Variants in ACER1 observed in about 807,000 individuals in gnomAD.
ACER1 encodes CTB-180A7.3.
A neutral mutation model predicts 24.9 loss-of-function variants in ACER1; 28 were observed. The ratio of observed to expected loss-of-function variants is 1.13; its 90% CI spans 0.83 to 1.54. ACER1 has a LOEUF of 1.54. ACER1 is among the 40% of genes most tolerant of loss of function. ACER1 has a pLI of 0.00. For missense variants in ACER1, 352 were observed against 349.3 expected (o/e 1.01, Z -0.06); for synonymous variants, 132 against 131.4 (o/e 1.00, Z -0.03).
the ACER1 span, among the ~76,000 whole-genome samples, chr19:6,358,021 G>A: frequency 1.3e-5 from 2 of 152,262 alleles, no homozygotes; most frequent in East Asian, 3.9e-4. Flanking sequence ...GTCCGGAGGA[G>A]TGAAGGAGTG....
chr19:6,336,170 G>A (rs2091713560), upstream of ACER1, among the ~76,000 whole-genome samples: 2 of 151,946 alleles, frequency 1.3e-5, no homozygotes, highest in Non-Finnish European at 2.9e-5. Flanking sequence ...CAAAGTGCTG[G>A]GATTACAGGC....
intron 1 of ACER1, among the ~76,000 whole-genome samples, chr19:6,319,925 G>A (rs371352769): frequency 3.3e-5 from 5 of 151,854 alleles, no homozygotes; most frequent in Admixed American, 6.6e-5. Context: ...CAGCCTGGCC[G>A]ACATGGAGAA....
intron 1 of ACER1, among the ~76,000 whole-genome samples, chr19:6,331,945 C>T (rs1364879129): frequency 6.6e-6 from 1 of 151,480 alleles, no homozygotes; most frequent in African/African-American, 2.4e-5. Flanking sequence ...GGCTAAATGC[C>T]GTGATCATTT....
chr19:6,307,989 G>A (rs1396799799), intron 4 of ACER1, among the ~76,000 whole-genome samples: 1 of 149,634 alleles, frequency 6.7e-6, no homozygotes, highest in African/African-American at 2.5e-5. Context: ...CTACTTGGGA[G>A]GCTGAGCCAC....
chr19:6,357,686 C>T, the ACER1 span, among the ~76,000 whole-genome samples: 1 of 151,194 alleles, frequency 6.6e-6, no homozygotes, highest in Non-Finnish European at 1.5e-5. Flanking sequence ...TCGCTTGAAC[C>T]GGAGAGGCAG....
chr19:6,340,366 A>C, the ACER1 span, among the ~76,000 whole-genome samples: 1 of 121,610 alleles, frequency 8.2e-6, no homozygotes, highest in Non-Finnish European at 1.8e-5. Context: ...GAAGGAAGGA[A>C]GGAAGGAAGA....
At chr19:6,311,601 AAGAAGAAGG>A (rs917047535) in intron 3 of ACER1, among the ~76,000 whole-genome samples, 16 of 143,694 alleles carry the variant, frequency 1.1e-4, no homozygotes, top group East Asian at 8.2e-4. Context: ...GGAGGCGGAG[AAGAAGAAGG>A]AGAAGGAGAA....
Position 6,309,716 on chromosome 19 carries a change from C to T in ACER1, c.469G>A (p.Val157Met), listed in dbSNP as rs187325437. ...NSIALHILYI[V>M]CQEYRKTSNK... ...ACTCACTTCCTGTACTCCTGGCACA[C>T]GATGTAGAGAATGTGCAGGGCAATG... is the stretch of plus-strand genomic sequence containing the variant. The change falls in exon 4 of 6, where the codon GTG (valine) becomes ATG (methionine). Residue 157 changes from valine to methionine, a missense_variant. Val to Met is a conservative substitution (Grantham distance 21). Coordinates refer to ENST00000301452, the MANE Select transcript of ACER1 (RefSeq NM_133492.3). The T allele has an allele frequency of 1.7e-4, 279 of 1,613,834 alleles. 1 individual carries two copies. In the Admixed American group the frequency reaches 4.2e-3, roughly 24 times the overall value.
chr19:6,334,695 T>G (rs2091705698), upstream of ACER1, among the ~76,000 whole-genome samples: 1 of 151,066 alleles, frequency 6.6e-6, no homozygotes, highest in South Asian at 2.1e-4. Flanking sequence ...TGAATTTACC[T>G]CTCTGATCCT....
At chr19:6,359,076 T>G in the ACER1 span, among the ~76,000 whole-genome samples, 1 of 151,698 alleles carries the variant, frequency 6.6e-6, no homozygotes, top group East Asian at 1.9e-4. Flanking sequence ...TACAAAAAAT[T>G]TTAAAATTAG....
At chr19:6,310,053 G>A (rs1440925332) in intron 3 of ACER1, among the ~76,000 whole-genome samples, 1 of 151,924 alleles carries the variant, frequency 6.6e-6, no homozygotes, top group East Asian at 1.9e-4. Flanking sequence ...CCTGAGGTCA[G>A]GAGTTTGAGA....
At chr19:6,334,114 A>G (rs1447216248), upstream of ACER1, among the ~76,000 whole-genome samples, 2 of 151,328 alleles carry the variant, frequency 1.3e-5, no homozygotes, top group African/African-American at 4.9e-5. Context: ...GCATGATCTC[A>G]GCTCACTGCA....
At chr19:6,310,707 T>C (rs1340397872) in intron 3 of ACER1, among the ~76,000 whole-genome samples, 2 of 151,214 alleles carry the variant, frequency 1.3e-5, no homozygotes, top group African/African-American at 4.9e-5. Context: ...GGCAAAACCC[T>C]GTCTCTACCA....
At position 6,306,807 on chromosome 19, in the gene ACER1, T is replaced by A. The variant is rs754354698; in HGVS notation, c.702A>T (p.Pro234=). 6.8e-6 allele frequency: 11 copies of A among 1,614,158 alleles called. No individual in the cohort carries two copies. The South Asian group carries it at 8.8e-5, about 13-fold the overall frequency. Residue 234 remains proline (P), a synonymous_variant, in exon 6 of 6, where the codon CCA becomes CCT. Coordinates refer to ENST00000301452, the MANE Select transcript of ACER1 (RefSeq NM_133492.3). ...AGTAGCGGACTTTGAGGGTTTCACC[T>A]GGCATCTCATAGTTGGCATCCACCA... ...MALVDANYEM[P]GETLKVRYWP... is the part of the protein sequence containing the mutation.
chr19:6,351,908 T>A, the ACER1 span, among the ~76,000 whole-genome samples: 1 of 151,490 alleles, frequency 6.6e-6, no homozygotes, highest in Non-Finnish European at 1.5e-5. Context: ...TACCAAAAAT[T>A]AGCCGGGCTT....
chr19:6,350,206 G>A, the ACER1 span, among the ~76,000 whole-genome samples: 1 of 151,806 alleles, frequency 6.6e-6, no homozygotes, highest in Non-Finnish European at 1.5e-5. Context: ...GGTGGCTCAT[G>A]CCTGTAATCC....
upstream of ACER1, chr19:6,333,646 C>T (rs1486967248): frequency 3.8e-5 from 39 of 1,037,212 alleles, no homozygotes; most frequent in South Asian, 2.6e-4. Flanking sequence ...GAGGACAGCC[C>T]GGTGCCCCGC....
intron 1 of ACER1, among the ~76,000 whole-genome samples, chr19:6,325,205 C>T (rs2091655130): frequency 6.6e-6 from 1 of 152,178 alleles, no homozygotes; most frequent in South Asian, 2.1e-4. Flanking sequence ...CAGGACAGAG[C>T]ACACAGTCCT....
chr19:6,333,111 T>C (rs1313732236), intron 1 of ACER1, among the ~76,000 whole-genome samples: 1 of 151,896 alleles, frequency 6.6e-6, no homozygotes, highest in African/African-American at 2.4e-5. Context: ...CCCCTCTAGC[T>C]CAGGGGCACC....
Sources: allele counts gnomAD v4.1 joint callset (sites outside exome capture counted in the v4.1 genomes callset), GRCh38; gene constraint gnomAD v4.1.1; transcripts MANE v1.5; gene names NCBI Gene and HGNC (gene_info 2026-07-23, HGNC 2026-07-21).